The following OTOG variants were observed in gnomAD, a reference collection of about 807,000 sequenced individuals.
The protein encoded by OTOG is otogelin.
In OTOG, 296 loss-of-function variants were observed where a neutral mutation model predicts 313.8. The observed-to-expected ratio is 0.94, with a 90% CI of 0.86 to 1.04. The LOEUF is 1.04. OTOG is among the 50% of genes least tolerant of loss of function. The probability of loss-of-function intolerance (pLI) is 0.00; values close to 1 mark genes in which losing one functional copy is unlikely to be tolerated. For synonymous variants in OTOG, 1,533 were observed against 1,554.9 expected, an observed-to-expected ratio of 0.99 and a Z score of 0.33; for missense variants, 3,948 against 3,840.1, an observed-to-expected ratio of 1.03 and a Z score of -0.74.
At chr11:17,567,306 AG>A (rs1441723979) in intron 15 of OTOG, among the ~76,000 whole-genome samples, 3 of 152,220 alleles carry the variant, frequency 2.0e-5, no homozygotes, top group African/African-American at 7.2e-5. Flanking sequence ...ACTCCTGGGC[AG>A]GAACTCAGAA....
At chr11:17,569,324 A>G in intron 16 of OTOG, 36 bp downstream of exon 16, 1 of 1,549,460 alleles carries the variant, frequency 6.5e-7, no homozygotes, top group Non-Finnish European at 8.7e-7. Flanking sequence ...CTAGTTGGGA[A>G]CTGAGGGTTT....
At chr11:17,609,001 C>A in intron 34 of OTOG, 129 bp from the exon 35 acceptor site, 1 of 707,124 alleles carries the variant, frequency 1.4e-6, no homozygotes, top group Non-Finnish European at 2.4e-6. Context: ...TGTGTGTGTA[C>A]ACGTAATAAG....
Position 17,631,713 on chromosome 11 carries a change from G to A in OTOG, c.6724G>A (p.Gly2242Arg). 1 of 1,550,286 alleles carries A rather than the reference G, an allele frequency of 6.5e-7. No homozygotes were observed. ...TTGGCCCCTTTCAGGTATCTGTGAT[G>A]GAGATGCAGCCAATGACCTTACCCT... ...QGHGLCGICD[G>R]DAANDLTLKD... Residue 2242 changes from glycine to arginine, a missense_variant, in exon 41 of 56, where the codon GGA becomes AGA. Coordinates refer to ENST00000399397, the MANE Select transcript of OTOG (RefSeq NM_001292063.2).
chr11:17,645,291 T>G (rs2133728187), intron 54 of OTOG, among the ~76,000 whole-genome samples: 1 of 152,332 alleles, frequency 6.6e-6, no homozygotes, highest in South Asian at 2.1e-4. Flanking sequence ...CCCCAGATGC[T>G]TCTCTGCCCT....
intron 39 of OTOG, among the ~76,000 whole-genome samples, chr11:17,628,054 C>G (rs2133697532): frequency 6.6e-6 from 1 of 151,730 alleles, no homozygotes; most frequent in East Asian, 1.9e-4. Context: ...TTTTTTATTT[C>G]AAATTTATTT....
At chr11:17,613,350 T>C (rs912565037) in intron 38 of OTOG, among the ~76,000 whole-genome samples, 8 of 105,550 alleles carry the variant, frequency 7.6e-5, no homozygotes, top group Non-Finnish European at 6.8e-5. Context: ...CCTTCCTTCC[T>C]TCCTTCCTTC....
intron 39 of OTOG, among the ~76,000 whole-genome samples, chr11:17,620,871 T>G (rs1224403046): frequency 6.6e-6 from 1 of 152,240 alleles, no homozygotes; most frequent in African/African-American, 2.4e-5. Flanking sequence ...TCTTTTCATT[T>G]ATAGTGTCTA....
chr11:17,561,683 A>G lies in OTOG; in HGVS notation c.1520A>G (p.Asp507Gly). ...TCAGCTGAGTGCTCAGTGACTGGTG[A>G]CATTCACTTCACAACCTTTGATGGC... Reference protein sequence around the residue: ...VCPAECSVTGDIHFTTFDGRR... With the variant: ...VCPAECSVTGGIHFTTFDGRR... Residue 507 changes from aspartate to glycine, a missense_variant, in exon 15 of 56, where the codon GAC becomes GGC. Transcript: ENST00000399397. 1 of 1,550,522 alleles carries G rather than the reference A, an allele frequency of 6.4e-7. No homozygotes were observed. Among genetic ancestry groups the G allele is most frequent in the East Asian group, 2.4e-5 (1 of 40,906 alleles).
intron 17 of OTOG, chr11:17,570,604 T>C (rs1305329529): frequency 8.5e-6 from 4 of 472,458 alleles, no homozygotes; most frequent in Non-Finnish European, 1.5e-5. Context: ...AGGAGCTTGT[T>C]AAAACACTGA....
intron 20 of OTOG, 141 bp downstream of exon 20, chr11:17,575,053 G>A (rs999579564): frequency 1.1e-5 from 9 of 845,806 alleles, no homozygotes; most frequent in South Asian, 4.0e-5. Context: ...TGGTGGGTAA[G>A]GTGGGTGGGC....
intron 24 of OTOG, among the ~76,000 whole-genome samples, chr11:17,587,412 A>G (rs908281085): frequency 1.3e-5 from 2 of 152,190 alleles, no homozygotes; most frequent in Non-Finnish European, 2.9e-5. Flanking sequence ...AAACCCAGTC[A>G]CTGTTCCAAT....
At chr11:17,613,036 G>C (rs1052905663) in intron 38 of OTOG, among the ~76,000 whole-genome samples, 4 of 152,186 alleles carry the variant, frequency 2.6e-5, no homozygotes, top group African/African-American at 9.7e-5. Flanking sequence ...GGATGGCACA[G>C]TAGTGCAGAG....
Position 17,576,455 on chromosome 11 carries a change from C to T in OTOG, c.2487-101C>T, listed in dbSNP as rs114042770. 4.1e-3 allele frequency: 3,648 copies of T among 885,246 alleles called. 88 individuals are homozygous for T. In the African/African-American group the frequency reaches 0.053, roughly 13 times the overall value. 54.8% of individuals were successfully genotyped at this position (885,246 alleles called of 1,614,324 possible). The stretch of plus-strand genomic sequence containing the variant: ...TAGATACCATTACTTTTCCCTGTGT[C>T]CTTATGCACCTGGTTGGCTGAGGGT... On this transcript the variant is annotated intron_variant, in intron 20 of 55. Transcript: ENST00000399397.
intron 40 of OTOG, 82 bp from the exon 41 acceptor site, chr11:17,631,620 T>G: frequency 5.2e-6 from 6 of 1,153,916 alleles, no homozygotes; most frequent in Non-Finnish European, 7.5e-6. Flanking sequence ...CAAAGAACTG[T>G]GAGGAATACA....
At chr11:17,553,245 G>C in intron 5 of OTOG, 34 bp downstream of exon 5, 1 of 1,545,266 alleles carries the variant, frequency 6.5e-7, no homozygotes, top group Non-Finnish European at 8.7e-7. Flanking sequence ...CCCAGGAAGG[G>C]ACCTGGGTGC....
At chr11:17,592,279 A>G (rs940956386) in intron 25 of OTOG, among the ~76,000 whole-genome samples, 2 of 152,236 alleles carry the variant, frequency 1.3e-5, no homozygotes, top group Non-Finnish European at 2.9e-5. Context: ...AATAATAAAA[A>G]TAACATGTAA....
At chr11:17,597,513 C>T (rs1264642343) in intron 30 of OTOG, among the ~76,000 whole-genome samples, 4 of 152,192 alleles carry the variant, frequency 2.6e-5, no homozygotes, top group African/African-American at 9.7e-5. Flanking sequence ...CCATCAGAGG[C>T]AGCACAGATG....
chr11:17,625,413 T>C (rs7110462), intron 39 of OTOG, among the ~76,000 whole-genome samples: 45,765 of 152,112 alleles, frequency 0.3, 9,016 homozygotes, highest in African/African-American at 0.56. Flanking sequence ...TTGAGATAAT[T>C]CTTGGTTTTT....
In OTOG at chr11:17,558,264, T is replaced by A; in HGVS notation, c.945T>A (p.Thr315=). Residue 315 remains threonine (T), a synonymous_variant, in exon 9 of 56, where the codon ACT becomes ACA. Transcript: ENST00000399397. The part of the protein sequence containing the change: ...QAPNQPPGPT[T]SSLPRPPCLQ... ...CTAACCAGCCTCCAGGGCCCACAAC[T>A]TCCTCCCTGCCTCGCCCACCGTGCC... 1.3e-6 allele frequency: 2 copies of A among 1,550,662 alleles called. No individual in the cohort carries two copies. Among genetic ancestry groups the A allele is most frequent in the South Asian group, 2.4e-5 (2 of 84,046 alleles).
Sources: gnomAD v4.1 joint callset for allele counts (sites outside exome capture counted in the v4.1 genomes callset) on GRCh38, gnomAD v4.1.1 for gene constraint, MANE v1.5 for transcripts, NCBI Gene and HGNC (gene_info 2026-07-23, HGNC 2026-07-21) for gene names.